POLN: variants seen among roughly 807,000 people sequenced by gnomAD.
POLN encodes the protein DNA polymerase nu.
POLN carries 108 observed loss-of-function variants against 113.5 expected under a neutral mutation model. The ratio of observed to expected loss-of-function variants is 0.95; its 90% confidence interval spans 0.81 to 1.12. POLN has a LOEUF of 1.12. Among genes scored for constraint, POLN ranks in the 50% most tolerant of loss-of-function variants. The probability of loss-of-function intolerance (pLI) is 0.00; values close to 1 mark genes in which losing one functional copy is unlikely to be tolerated. For missense variants in POLN, 1,097 were observed against 1,077.1 expected (o/e 1.02, Z -0.26); for synonymous variants, 386 against 391.5 (o/e 0.99, Z 0.17).
At chr4:2,090,197 C>G (rs1224928811) in intron 20 of POLN, 5 of 887,268 alleles carry the variant, frequency 5.6e-6, no homozygotes, top group East Asian at 2.5e-5. Flanking sequence ...CTTTTGCTAT[C>G]TTTCCTGTAG....
intron 7 of POLN, among the ~76,000 whole-genome samples, chr4:2,188,623 AC>A (rs1553798361): frequency 1.1e-4 from 10 of 91,552 alleles, no homozygotes; most frequent in African/African-American, 4.0e-4. Context: ...AAACAAAAAA[AC>A]AAAACAAAAC....
Position 2,208,431 on chromosome 4 carries a change from C to A in POLN, c.270G>T (p.Gln90His). 6.3e-7 allele frequency: 1 copy of A among 1,591,194 alleles called. No homozygotes were observed. Among genetic ancestry groups the A allele is most frequent in the Non-Finnish European group, 8.5e-7 (1 of 1,173,314 alleles). ...TSRGSAKLSP[Q>H]SFSVRLTDQL... ...GATCTGTGAGCCTGACACTGAAGGA[C>A]TGAGGAGACAGCTTGGCAGAACCTC... The change falls in exon 5 of 26, where the codon CAG becomes CAT. Residue 90 changes from glutamine (Q) to histidine (H), a missense_variant. Physicochemically the swap from Gln to His is conservative, Grantham distance 24. Coordinates refer to ENST00000511885, the MANE Select transcript of POLN (RefSeq NM_181808.4).
intron 16 of POLN, among the ~76,000 whole-genome samples, chr4:2,149,502 G>A (rs1051399743): frequency 2.0e-5 from 3 of 152,098 alleles, no homozygotes; most frequent in Admixed American, 6.5e-5. Flanking sequence ...GGGAAATGAG[G>A]GCATTGGAAA....
At chr4:2,182,638 C>A (rs190311198) in intron 7 of POLN, among the ~76,000 whole-genome samples, 1 of 152,130 alleles carries the variant, frequency 6.6e-6, no homozygotes, top group Admixed American at 6.5e-5. Flanking sequence ...AATACAGACC[C>A]CTACCTCACA....
chr4:2,157,528 A>C (rs531852286), intron 15 of POLN, among the ~76,000 whole-genome samples: 1 of 152,218 alleles, frequency 6.6e-6, no homozygotes, highest in African/African-American at 2.4e-5. Flanking sequence ...GTTTGAGACC[A>C]GCCTGGCCAA....
intron 19 of POLN, among the ~76,000 whole-genome samples, chr4:2,107,699 A>C (rs1381496852): frequency 6.6e-6 from 1 of 152,164 alleles, no homozygotes; most frequent in Non-Finnish European, 1.5e-5. Flanking sequence ...GGAGAGAGGA[A>C]GAGGGGAGGC....
chr4:2,112,443 C>T (rs1731218619), intron 19 of POLN, among the ~76,000 whole-genome samples: 1 of 152,046 alleles, frequency 6.6e-6, no homozygotes, highest in African/African-American at 2.4e-5. Context: ...TCAGAGTGAA[C>T]AGGCAACCTA....
chr4:2,157,007 G>T (rs1377181535), intron 15 of POLN, among the ~76,000 whole-genome samples, 154 bp from the exon 16 acceptor site: 2 of 152,166 alleles, frequency 1.3e-5, no homozygotes, highest in African/African-American at 4.8e-5. Context: ...AATGTCCTTG[G>T]GGTTACAAAA....
rs1001129540 is a variant in POLN, at chr4:2,171,123, A to G, written c.1433T>C (p.Ile478Thr). ...CTCTCGAAGCTGGTTATTGCTCGTT[A>G]TAAGAAACCGTTCTCCTGCAACAAA... ...AHFVAGERFLITSNNQLREIL... is the reference protein window; with the variant it reads ...AHFVAGERFLTTSNNQLREIL... The change falls in exon 12 of 26, where the codon ATA becomes ACA. Residue 478 changes from isoleucine (I) to threonine (T), a missense_variant. Transcript: ENST00000511885. 2.5e-6 allele frequency: 4 copies of G among 1,613,586 alleles called. No individual in the cohort carries two copies. In the African/African-American group the frequency reaches 5.3e-5, roughly 22 times the overall value.
chr4:2,134,511 TGTAAG>T (rs1462875550), intron 16 of POLN, among the ~76,000 whole-genome samples: 2 of 152,284 alleles, frequency 1.3e-5, no homozygotes, highest in South Asian at 4.1e-4. Flanking sequence ...CAATTAATAA[TGTAAG>T]GTTTTTGTTT....
At chr4:2,090,361 T>C (rs1730637837) in intron 20 of POLN, 1 of 712,636 alleles carries the variant, frequency 1.4e-6, no homozygotes, top group African/African-American at 1.8e-5. Context: ...TCTCATGTGA[T>C]CAAGGCATGA....
At chr4:2,089,284 G>A in intron 20 of POLN, 2 of 1,444,492 alleles carry the variant, frequency 1.4e-6, no homozygotes, top group Admixed American at 2.0e-5. Flanking sequence ...TGTGGGAGAA[G>A]CTTTAGGAAA....
chr4:2,081,356 C>A lies in POLN; in HGVS notation c.2308+277G>T, dbSNP rs1730412682. ...CTCCAGGTCTCCTAAACCATAGAAGCCTCAGTTTCCCACCACAGAGATATG... is the reference window on the plus strand; with the variant it reads ...CTCCAGGTCTCCTAAACCATAGAAGACTCAGTTTCCCACCACAGAGATATG... On this transcript the variant is annotated intron_variant, in intron 22 of 25. Transcript: ENST00000511885. The A allele has an allele frequency of 4.6e-6, 3 of 654,664 alleles. No individual in the cohort carries two copies. In the Admixed American group the frequency reaches 8.4e-5, roughly 18 times the overall value. 40.6% of individuals were successfully genotyped at this position (654,664 alleles called of 1,614,324 possible).
At position 2,170,791 on chromosome 4, in the gene POLN, T is replaced by G. The variant is rs762071576; in HGVS notation, c.1459-17A>C. The G allele has an allele frequency of 6.2e-7, 1 of 1,601,450 alleles. No individual in the cohort carries two copies. Among genetic ancestry groups the G allele is most frequent in the African/African-American group, 1.3e-5 (1 of 74,752 alleles). The stretch of plus-strand genomic sequence containing the variant: ...AAAGAGGATCTTCAACAAAACAAAT[T>G]AAACATGGTGAGGGAATCTCACATT... On this transcript the variant is annotated splice_polypyrimidine_tract_variant and intron_variant, in intron 12 of 25. Coordinates refer to ENST00000511885, the MANE Select transcript of POLN (RefSeq NM_181808.4).
At chr4:2,194,060 T>A (rs572937955) in intron 6 of POLN, among the ~76,000 whole-genome samples, 133 of 152,344 alleles carry the variant, frequency 8.7e-4, no homozygotes, top group Middle Eastern at 3.4e-3. Context: ...CAGCATTGTG[T>A]GTGAAGTGAT....
intron 16 of POLN, among the ~76,000 whole-genome samples, chr4:2,134,080 CA>C (rs2108727541): frequency 6.6e-6 from 1 of 152,296 alleles, no homozygotes; most frequent in African/African-American, 2.4e-5. Flanking sequence ...TTACCTTTTC[CA>C]AAATGTCACA....
chr4:2,097,955 T>C (rs933067891), intron 19 of POLN, among the ~76,000 whole-genome samples: 1 of 152,254 alleles, frequency 6.6e-6, no homozygotes, highest in Admixed American at 6.5e-5. Context: ...TACCCCACCA[T>C]TCTTGCTGAC....
chr4:2,121,293 G>T (rs1731433437), intron 19 of POLN, among the ~76,000 whole-genome samples: 1 of 151,990 alleles, frequency 6.6e-6, no homozygotes, highest in Non-Finnish European at 1.5e-5. Flanking sequence ...AAATTAGCTG[G>T]GCATGGTGGC....
At chr4:2,164,075 C>G (rs4974664) in intron 13 of POLN, among the ~76,000 whole-genome samples, 128,185 of 152,188 alleles carry the variant, frequency 0.84, 55,133 homozygotes, top group Non-Finnish European at 0.94. Flanking sequence ...GAACTTATCA[C>G]AAGGTCCTTT....
Sources: allele counts gnomAD v4.1 joint callset (sites outside exome capture counted in the v4.1 genomes callset), GRCh38; gene constraint gnomAD v4.1.1; transcripts MANE v1.5; gene names NCBI Gene and HGNC (gene_info 2026-07-23, HGNC 2026-07-21).